Variants in ABCB8 observed in about 807,000 individuals in gnomAD.
ABCB8 encodes the protein mitochondrial potassium channel ATP-binding subunit.
ABCB8 carries 52 observed loss-of-function variants against 73.0 expected under a neutral mutation model. The ratio of observed to expected loss-of-function variants is 0.71; its 90% CI spans 0.57 to 0.90. The LOEUF (loss-of-function observed/expected upper bound fraction) is 0.90, where lower values mean the gene tolerates loss of function less well. Among genes scored for constraint, ABCB8 ranks in the 40% least tolerant of loss-of-function variants. ABCB8 has a pLI of 0.00. For missense variants in ABCB8, 909 were observed against 974.6 expected (o/e 0.93, Z 0.90); for synonymous variants, 428 against 423.5 (o/e 1.01, Z -0.13).
At chr7:151,034,196 G>T in intron 2 of ABCB8, 77 bp from the exon 3 acceptor site, 1 of 1,493,496 alleles carries the variant, frequency 6.7e-7, no homozygotes, top group Non-Finnish European at 9.1e-7. Context: ...GGAGAGGAAG[G>T]GCCAAGATCT....
At position 151,042,101 on chromosome 7, in the gene ABCB8, G is replaced by A. The variant is rs377513212; in HGVS notation, c.1758G>A (p.Thr586=). 1.9e-5 allele frequency: 30 copies of A among 1,612,886 alleles called. No homozygotes were observed. The South Asian group carries it at 2.1e-4, about 11-fold the overall frequency. ...FITSFPEGYN[T]VVGERGTTLS... ...CCAGCTTCCCCGAGGGCTACAACAC[G>A]GTCGTCGGTGGGTGCTCGGGTCTGC... The change falls in exon 14 of 16, where the codon ACG becomes ACA. Residue 586 remains threonine (T), a synonymous_variant. Transcript: ENST00000358849.
rs761234648 is a variant in ABCB8, at chr7:151,045,375, T to A, written c.*26T>A. The A allele has an allele frequency of 3.3e-6, 5 of 1,500,860 alleles. No homozygotes were observed. In the East Asian group the frequency reaches 1.0e-4, roughly 30 times the overall value. The allele number at this position is 1,500,860 out of a possible 1,614,324, so 93.0% of individuals were successfully genotyped here. A position where few individuals can be genotyped will look rare whatever the true frequency, so the allele number is the denominator to read the frequency against. ...GAAGGGCCCCCTGAGGTGTGGTCGC[T>A]GCCAAGCATCAGTGTTAGGGCTGGG... On this transcript the variant is annotated 3_prime_UTR_variant, in exon 16 of 16. Coordinates refer to ENST00000358849, the MANE Select transcript of ABCB8 (RefSeq NM_007188.5).
At chr7:151,039,792 G>A (rs1245440879) in intron 9 of ABCB8, 1 of 155,726 alleles carries the variant, frequency 6.4e-6, no homozygotes, top group African/African-American at 2.4e-5. Flanking sequence ...TGCAGCATTA[G>A]ATCTGCTCTC....
In ABCB8 at chr7:151,042,041, A is replaced by G; in HGVS notation, c.1698A>G (p.Thr566=). 3 of 1,613,176 alleles carry G rather than the reference A, an allele frequency of 1.9e-6. No homozygotes were observed. The highest frequency in any genetic ancestry group is 2.5e-6 in the Non-Finnish European group (3 of 1,179,988). ...KLEASDEEVY[T]AAREANAHEF... The stretch of plus-strand genomic sequence containing the variant: ...AAGCTTCCGATGAAGAGGTGTACAC[A>G]GCCGCCCGGGAAGCGAATGCTCACG... Residue 566 remains threonine, a synonymous_variant, in exon 14 of 16, where the codon ACA becomes ACG. Transcript: ENST00000358849.
At position 151,045,539 on chromosome 7, in the gene ABCB8, A is replaced by T; in HGVS notation, c.*190A>T. ...AGGCCAATCCCTCCCTCCCCTCCCC[A>T]GTCCTGCCGGCTGCCTCCCTCCCAC... is the stretch of plus-strand genomic sequence containing the variant. On this transcript the variant is annotated 3_prime_UTR_variant, in exon 16 of 16. Coordinates refer to ENST00000358849, the MANE Select transcript of ABCB8 (RefSeq NM_007188.5). 3 of 641,734 alleles carry T rather than the reference A, an allele frequency of 4.7e-6. No individual in the cohort carries two copies. Among genetic ancestry groups the T allele is most frequent in the Non-Finnish European group, 6.9e-6 (3 of 433,820 alleles). The allele number at this position is 641,734 out of a possible 1,614,324, so 39.8% of individuals were successfully genotyped here.
Position 151,046,872 on chromosome 7 carries a change from G to A in ABCB8, c.*1523G>A, listed in dbSNP as rs1190587945. 1.3e-5 allele frequency: 2 copies of A among 152,202 alleles called. No individual in the cohort carries two copies. Among genetic ancestry groups the A allele is most frequent in the African/African-American group, 4.8e-5 (2 of 41,436 alleles). 9.4% of individuals were successfully genotyped at this position (152,202 alleles called of 1,614,324 possible). A position where few individuals can be genotyped will look rare whatever the true frequency, so the allele number is the denominator to read the frequency against. On this transcript the variant is annotated 3_prime_UTR_variant, in exon 16 of 16. Transcript: ENST00000358849. Reference sequence around the variant, plus strand: ...GTTTAGAACTAGATGGTGCTTTGGGGACAAGCCATCCAAAAACCCCAGGCC... The same window carrying A: ...GTTTAGAACTAGATGGTGCTTTGGGAACAAGCCATCCAAAAACCCCAGGCC...
At chr7:151,041,781 T>A (rs1796471122) in intron 13 of ABCB8, among the ~76,000 whole-genome samples, 180 bp from the exon 14 acceptor site, 1 of 152,240 alleles carries the variant, frequency 6.6e-6, no homozygotes, top group South Asian at 2.1e-4. Flanking sequence ...CGAACTGTCC[T>A]TCCCTTTTGG....
intron 9 of ABCB8, chr7:151,037,390 C>A: frequency 1.4e-6 from 1 of 699,650 alleles, no homozygotes; most frequent in Non-Finnish European, 2.6e-6. Flanking sequence ...TGTCCCCACA[C>A]ACCCCACCCT....
chr7:151,043,895 GA>G, intron 14 of ABCB8, 75 bp from the exon 15 acceptor site: 1 of 1,577,936 alleles, frequency 6.3e-7, no homozygotes, highest in Non-Finnish European at 8.6e-7. Context: ...GGGCGTTCAG[GA>G]AGGACCCTGT....
intron 14 of ABCB8, among the ~76,000 whole-genome samples, chr7:151,042,458 C>G (rs972505665): frequency 6.6e-6 from 1 of 152,224 alleles, no homozygotes; most frequent in Non-Finnish European, 1.5e-5. Context: ...GCCGCCACTT[C>G]CCCAGACTGA....
Position 151,035,713 on chromosome 7 carries a change from C to T in ABCB8, c.898C>T (p.Arg300Ter), listed in dbSNP as rs866565338. Residue 300 changes from arginine (R) to a stop codon, truncating the protein, a stop_gained, in exon 6 of 16, where the codon CGA (arginine) becomes TGA (stop). Transcript: ENST00000358849. LOFTEE classifies it high-confidence loss of function. ...GVGTLMGSGL[R>*]KLSRQCQEQI... ...GGGCACCCTGATGGGCTCAGGCCTC[C>T]GAAAATTGTCTCGCCAGTGTCAGGA... is the stretch of plus-strand genomic sequence containing the variant. 2.5e-6 allele frequency: 4 copies of T among 1,613,534 alleles called. No homozygotes were observed. Among genetic ancestry groups the T allele is most frequent in the African/African-American group, 1.3e-5 (1 of 75,050 alleles).
chr7:151,037,537 C>T (rs1488924908), intron 9 of ABCB8: 2 of 584,322 alleles, frequency 3.4e-6, no homozygotes, highest in Admixed American at 3.0e-5. Context: ...AGCAGTTCTA[C>T]ATAAATATGT....
intron 1 of ABCB8, chr7:151,033,262 C>A: frequency 2.1e-6 from 1 of 479,118 alleles, no homozygotes; most frequent in Non-Finnish European, 3.6e-6. Context: ...CAGTGTGTGG[C>A]CATCTAACGT....
intron 1 of ABCB8, chr7:151,028,895 C>G: frequency 1.4e-6 from 2 of 1,479,482 alleles, no homozygotes; most frequent in Non-Finnish European, 1.8e-6. Context: ...CGGGGGTCCC[C>G]TTTCCTGGCC....
intron 9 of ABCB8, chr7:151,040,020 C>A (rs1796412074): frequency 2.0e-6 from 1 of 504,924 alleles, no homozygotes; most frequent in Non-Finnish European, 3.5e-6. Flanking sequence ...CGTGGAGCAC[C>A]CCCTCCCAGG....
Position 151,041,147 on chromosome 7 carries a change from C to T in ABCB8, c.1532C>T (p.Ala511Val), listed in dbSNP as rs1183643195. The change falls in exon 13 of 16, where the codon GCA (alanine) becomes GTA (valine). Residue 511 changes from alanine to valine, a missense_variant. Coordinates refer to ENST00000358849, the MANE Select transcript of ABCB8 (RefSeq NM_007188.5). ...SLLERFYDPT[A>V]GVVMLDGRDL... ...CTGGAGCGCTTCTACGACCCCACGG[C>T]AGGCGTGGTGATGCTGGATGGGCGG... 1 of 1,612,572 alleles carries T rather than the reference C, an allele frequency of 6.2e-7. No individual in the cohort carries two copies. Among genetic ancestry groups the T allele is most frequent in the Non-Finnish European group, 8.5e-7 (1 of 1,180,008 alleles).
chr7:151,044,088 A>G lies in ABCB8; in HGVS notation c.1883A>G (p.Glu628Gly). ...LDEATSALDAESERVVQEALD... is the reference protein window; with the variant it reads ...LDEATSALDAGSERVVQEALD... ...GAAGCTACCAGCGCGCTGGATGCAGAGTCCGAGCGGGTTGTACAGGAGGCC... is the reference window on the plus strand; with the variant it reads ...GAAGCTACCAGCGCGCTGGATGCAGGGTCCGAGCGGGTTGTACAGGAGGCC... Residue 628 changes from glutamate to glycine, a missense_variant, in exon 15 of 16, where the codon GAG becomes GGG. Physicochemically the swap from Glu to Gly is moderately conservative, Grantham distance 98. Transcript: ENST00000358849. 3 of 1,613,828 alleles carry G rather than the reference A, an allele frequency of 1.9e-6. No individual in the cohort carries two copies. The highest frequency in any genetic ancestry group is 2.5e-6 in the Non-Finnish European group (3 of 1,179,976).
intron 14 of ABCB8, among the ~76,000 whole-genome samples, chr7:151,043,328 C>T (rs1173200332): frequency 7.2e-5 from 11 of 151,750 alleles, no homozygotes; most frequent in African/African-American, 2.7e-4. Flanking sequence ...TGCACAGTGG[C>T]TGAGGGACCC....
chr7:151,040,158 T>C, intron 9 of ABCB8, 110 bp from the exon 10 acceptor site: 1 of 1,302,018 alleles, frequency 7.7e-7, no homozygotes. Context: ...TCTCTGCATT[T>C]GGCCACAGGC....
Sources: allele counts gnomAD v4.1 joint callset (sites outside exome capture counted in the v4.1 genomes callset), GRCh38; gene constraint gnomAD v4.1.1; transcripts MANE v1.5; gene names NCBI Gene and HGNC (gene_info 2026-07-23, HGNC 2026-07-21).